Variants in CDKN2B-AS1 observed in about 807,000 individuals in gnomAD.
CDKN2B-AS1 encodes the protein CDKN2B and CDKN2A antisense cis and trans regulatory RNA 1.
intron 4 of CDKN2B-AS1, among the ~76,000 whole-genome samples, chr9:22,127,064 C>G (rs1162664409): frequency 6.6e-6 from 1 of 152,064 alleles, no homozygotes; most frequent in Non-Finnish European, 1.5e-5. Flanking sequence ...CCAGTTGGAG[C>G]TAAATGTTTT....
chr9:22,049,087 C>T (rs1299375158), intron 2 of CDKN2B-AS1: 2 of 152,080 alleles, frequency 1.3e-5, no homozygotes, highest in Non-Finnish European at 2.9e-5. Flanking sequence ...TAGGCTAATA[C>T]ACTATGTGGT....
intron 4 of CDKN2B-AS1, among the ~76,000 whole-genome samples, chr9:22,061,199 C>T (rs1823805768): frequency 1.3e-5 from 2 of 152,190 alleles, no homozygotes; most frequent in Admixed American, 1.3e-4. Flanking sequence ...CCATGACCAT[C>T]ACAGCTGGAA....
At chr9:22,068,931 G>A (rs1337260571) in intron 4 of CDKN2B-AS1, among the ~76,000 whole-genome samples, 3 of 152,068 alleles carry the variant, frequency 2.0e-5, no homozygotes, top group Admixed American at 2.0e-4. Flanking sequence ...GTGAATCATG[G>A]GAATTACCCC....
chr9:22,109,550 A>G (rs1825749001), intron 4 of CDKN2B-AS1, among the ~76,000 whole-genome samples: 1 of 152,170 alleles, frequency 6.6e-6, no homozygotes, highest in Non-Finnish European at 1.5e-5. Flanking sequence ...GGCTAGGGAG[A>G]AACATGGTTC....
chr9:22,021,741 A>C (rs190073044), intron 1 of CDKN2B-AS1, among the ~76,000 whole-genome samples: 2 of 152,258 alleles, frequency 1.3e-5, no homozygotes, highest in African/African-American at 4.8e-5. Context: ...CTGCAAAGAA[A>C]GATAGTTTGA....
intron 3 of CDKN2B-AS1, among the ~76,000 whole-genome samples, chr9:22,054,165 A>G (rs74655961): frequency 0.085 from 12,910 of 152,218 alleles, 550 homozygotes; most frequent in Middle Eastern, 0.14. Flanking sequence ...GATAGGTACT[A>G]TTATCATTTC....
chr9:22,068,612 A>G (rs1181643928), intron 4 of CDKN2B-AS1, among the ~76,000 whole-genome samples: 1 of 152,162 alleles, frequency 6.6e-6, no homozygotes, highest in African/African-American at 2.4e-5. Flanking sequence ...ACTCTTTTCC[A>G]GTGACGTAGT....
chr9:22,070,246 T>A (rs1217171837), intron 4 of CDKN2B-AS1, among the ~76,000 whole-genome samples: 1 of 152,174 alleles, frequency 6.6e-6, no homozygotes, highest in Non-Finnish European at 1.5e-5. Flanking sequence ...TAGAGTTAAT[T>A]GGTTAATTGA....
At chr9:22,002,007 C>G (rs1428359404) in intron 1 of CDKN2B-AS1, among the ~76,000 whole-genome samples, 2 of 151,986 alleles carry the variant, frequency 1.3e-5, no homozygotes, top group South Asian at 2.1e-4. Context: ...TAAGTAATTT[C>G]TAAAATTAAA....
chr9:22,006,689 T>C lies in CDKN2B-AS1; in HGVS notation n.29+11528T>C, dbSNP rs1394625383. On this transcript the variant is annotated intron_variant and non_coding_transcript_variant, in intron 1 of 4. Coordinates refer to ENST00000650946, the Ensembl canonical transcript of CDKN2B-AS1. This position sits in a 1 kb window ranked among gnomAD's most constrained non-coding sequence, Gnocchi z 6.4. ...TACAAATATTTATTAGGTAGTCAAC[T>C]ACTGTTTGTTAGAAGTTGGGAGTAA... Among the ~76,000 whole-genome samples, 1 of 152,328 alleles carries C rather than the reference T, an allele frequency of 6.6e-6. No homozygotes were observed. Among genetic ancestry groups the C allele is most frequent in the Non-Finnish European group, 1.5e-5 (1 of 68,028 alleles).
intron 4 of CDKN2B-AS1, among the ~76,000 whole-genome samples, chr9:22,085,602 TC>T (rs1479353201): frequency 1.5e-4 from 22 of 151,514 alleles, no homozygotes; most frequent in Admixed American, 5.3e-4. Flanking sequence ...GCCCCTGTAG[TC>T]CCAGGTACTC....
intron 2 of CDKN2B-AS1, among the ~76,000 whole-genome samples, chr9:22,048,075 G>A (rs1200205953): frequency 2.0e-5 from 3 of 151,992 alleles, no homozygotes; most frequent in Non-Finnish European, 2.9e-5. Context: ...GATTACAGGC[G>A]TGAGTCAGTG....
At chr9:22,043,668 A>C (rs1009523919) in intron 1 of CDKN2B-AS1, among the ~76,000 whole-genome samples, 2 of 152,028 alleles carry the variant, frequency 1.3e-5, no homozygotes, top group African/African-American at 4.8e-5. Context: ...CTTCATGATT[A>C]TGCTATTCAC....
intron 4 of CDKN2B-AS1, among the ~76,000 whole-genome samples, chr9:22,070,618 C>T (rs1302278617): frequency 1.3e-5 from 2 of 152,050 alleles, no homozygotes; most frequent in Non-Finnish European, 2.9e-5. Context: ...GTACAAAGGC[C>T]AAGTGACATA....
At chr9:22,020,466 A>G (rs986674758) in intron 1 of CDKN2B-AS1, among the ~76,000 whole-genome samples, 2 of 152,134 alleles carry the variant, frequency 1.3e-5, no homozygotes, top group African/African-American at 4.8e-5. Flanking sequence ...GTCCCCCACA[A>G]TGGTTGAACC....
chr9:22,046,099 A>T (rs2131272646), intron 1 of CDKN2B-AS1, among the ~76,000 whole-genome samples: 2 of 152,206 alleles, frequency 1.3e-5, no homozygotes, highest in South Asian at 4.1e-4. Context: ...ATTTCTCTGT[A>T]GCAAATGGAA....
intron 4 of CDKN2B-AS1, among the ~76,000 whole-genome samples, chr9:22,067,808 A>G (rs1201597647): frequency 6.6e-6 from 1 of 152,210 alleles, no homozygotes; most frequent in Non-Finnish European, 1.5e-5. Flanking sequence ...TCAGCAAAAC[A>G]CAAATTTGAA....
chr9:22,008,883 C>G, intron 1 of CDKN2B-AS1: 1 of 1,612,482 alleles, frequency 6.2e-7, no homozygotes, highest in East Asian at 2.2e-5. Flanking sequence ...CACTAGTCCC[C>G]GCGCCGCGGC....
intron 4 of CDKN2B-AS1, among the ~76,000 whole-genome samples, chr9:22,107,964 T>A (rs1160391015): frequency 6.6e-6 from 1 of 152,180 alleles, no homozygotes; most frequent in African/African-American, 2.4e-5. Context: ...CAGCCGTCAA[T>A]GGGAAAGTTA....
Sources: allele counts gnomAD v4.1 joint callset (sites outside exome capture counted in the v4.1 genomes callset), GRCh38; gene constraint gnomAD v4.1.1; non-coding constraint Gnocchi (gnomAD v3.1); transcripts MANE v1.5; gene names NCBI Gene and HGNC (gene_info 2026-07-23, HGNC 2026-07-21).